Variants in PPP6R3 observed in about 807,000 individuals in gnomAD.
PPP6R3 encodes protein phosphatase 6 regulatory subunit 3, also known as serine/threonine-protein phosphatase 6 regulatory subunit 3.
PPP6R3 carries 38 observed loss-of-function variants against 110.7 expected under a neutral mutation model. The observed-to-expected ratio is 0.34, with a 90% confidence interval of 0.26 to 0.45. PPP6R3 has a LOEUF of 0.45. Among genes scored for constraint, PPP6R3 ranks in the 20% least tolerant of loss-of-function variants. The pLI is 1.00. For synonymous variants in PPP6R3, 369 were observed against 373.5 expected, an observed-to-expected ratio of 0.99 and a Z score of 0.14; for missense variants, 870 against 1,062.4, an observed-to-expected ratio of 0.82 and a Z score of 2.52.
chr11:68,562,395 T>G (rs2153736613), intron 8 of PPP6R3, among the ~76,000 whole-genome samples: 1 of 152,322 alleles, frequency 6.6e-6, no homozygotes, highest in East Asian at 1.9e-4. Context: ...TTCAATGCAA[T>G]TCCGAACAAA....
intron 8 of PPP6R3, 113 bp from the exon 9 acceptor site, chr11:68,564,190 T>G: frequency 8.7e-7 from 1 of 1,154,552 alleles, no homozygotes; most frequent in Non-Finnish European, 1.2e-6. Flanking sequence ...CTAGCCTTTT[T>G]TCCCGCAGCC....
chr11:68,536,447 T>C (rs757574678), intron 2 of PPP6R3, among the ~76,000 whole-genome samples: 14 of 151,998 alleles, frequency 9.2e-5, no homozygotes, highest in African/African-American at 1.4e-4. Flanking sequence ...TTTTGTCTTA[T>C]AGAGATGAGG....
rs760138573 is a variant in PPP6R3 at position 68,564,185 on chromosome 11, C to G, written c.846-118C>G. On this transcript the variant is annotated intron_variant, in intron 8 of 23. Coordinates refer to ENST00000393800, the MANE Select transcript of PPP6R3 (RefSeq NM_001164161.2). ...TGCCTCATTATGCTTTTTTCCTAGC[C>G]TTTTTTCCCGCAGCCAGAAAAGTTG... 8 of 1,111,244 alleles carry G rather than the reference C, an allele frequency of 7.2e-6. No homozygotes were observed. In the African/African-American group the frequency reaches 1.3e-4, roughly 18 times the overall value. The allele number at this position is 1,111,244 out of a possible 1,614,324, so 68.8% of individuals were successfully genotyped here.
rs1459802750 is a variant in PPP6R3, at chr11:68,537,911, T to G, written c.227+20T>G. On this transcript the variant is annotated intron_variant, in intron 3 of 23. Coordinates refer to ENST00000393800, the MANE Select transcript of PPP6R3 (RefSeq NM_001164161.2). ...ATACAAGTAAGACAATTCAATCTTC[T>G]CTGTAGAGTGGGACTAAAGTGAAGT... 6.4e-7 allele frequency: 1 copy of G among 1,558,614 alleles called. No homozygotes were observed. Among genetic ancestry groups the G allele is most frequent in the South Asian group, 1.1e-5 (1 of 88,772 alleles).
chr11:68,537,617 T>A (rs2099277581), intron 2 of PPP6R3, 42 bp from the exon 3 acceptor site: 1 of 1,300,094 alleles, frequency 7.7e-7, no homozygotes, highest in Non-Finnish European at 1.1e-6. Context: ...AATTAATTTG[T>A]AAAGTTGAAA....
intron 1 of PPP6R3, among the ~76,000 whole-genome samples, chr11:68,504,544 A>G (rs1238169509): frequency 2.6e-5 from 4 of 152,204 alleles, no homozygotes; most frequent in African/African-American, 7.2e-5. Context: ...GGATGAATGC[A>G]CACTTCAGTT....
Position 68,614,987 on chromosome 11 carries a change from C to A in PPP6R3, c.*1870C>A, listed in dbSNP as rs1267283642. 1 of 559,406 alleles carries A rather than the reference C, an allele frequency of 1.8e-6. No individual in the cohort carries two copies. Among genetic ancestry groups the A allele is most frequent in the East Asian group, 4.2e-5 (1 of 23,906 alleles). The allele number at this position is 559,406 out of a possible 1,614,324, so 34.7% of individuals were successfully genotyped here. On this transcript the variant is annotated 3_prime_UTR_variant, in exon 24 of 24. Transcript: ENST00000393800. ...GGTATGGACCTGGTGGCTTCTCCAT[C>A]CCACTGTGGCCTCTGTGGTATGGAC... is the stretch of plus-strand genomic sequence containing the variant.
intron 1 of PPP6R3, among the ~76,000 whole-genome samples, chr11:68,503,034 C>T (rs190364380): frequency 4.6e-5 from 7 of 152,298 alleles, no homozygotes; most frequent in Non-Finnish European, 5.9e-5. Flanking sequence ...ACCTCCGCCT[C>T]CCAGGTTGAA....
chr11:68,609,863 C>T (rs764965657), intron 22 of PPP6R3, 41 bp from the exon 23 acceptor site: 4 of 1,611,956 alleles, frequency 2.5e-6, no homozygotes, highest in South Asian at 1.1e-5. Flanking sequence ...AGGTGCTGGT[C>T]CCTAGGGTGT....
At chr11:68,522,279 A>G (rs1277643091) in intron 2 of PPP6R3, among the ~76,000 whole-genome samples, 1 of 152,234 alleles carries the variant, frequency 6.6e-6, no homozygotes. Context: ...CTCAGAAAAC[A>G]TGTCCACTGC....
intron 19 of PPP6R3, among the ~76,000 whole-genome samples, chr11:68,599,912 G>A (rs187184309): frequency 1.5e-4 from 23 of 152,160 alleles, no homozygotes; most frequent in South Asian, 4.2e-4. Flanking sequence ...TCACGAGGTC[G>A]GGATATTGAG....
At chr11:68,517,071 A>G (rs2099140739) in intron 1 of PPP6R3, among the ~76,000 whole-genome samples, 1 of 144,998 alleles carries the variant, frequency 6.9e-6, no homozygotes, top group South Asian at 2.2e-4. Flanking sequence ...TTTGAGAATT[A>G]TTTATCTGAT....
intron 2 of PPP6R3, among the ~76,000 whole-genome samples, chr11:68,523,546 A>T (rs1477456484): frequency 6.6e-6 from 1 of 151,766 alleles, no homozygotes; most frequent in Non-Finnish European, 1.5e-5. Context: ...CACCACTAGA[A>T]GGTTTAGATA....
intron 17 of PPP6R3, among the ~76,000 whole-genome samples, chr11:68,590,995 C>T (rs906026119): frequency 4.6e-5 from 7 of 152,146 alleles, no homozygotes; most frequent in Non-Finnish European, 1.0e-4. Flanking sequence ...GACACCAACC[C>T]ACTGCCTTTG....
intron 15 of PPP6R3, chr11:68,586,350 T>C (rs879815990): frequency 6.6e-6 from 1 of 152,224 alleles, no homozygotes; most frequent in Non-Finnish European, 1.5e-5. Context: ...TAATGCTGGC[T>C]GTCATTGTCC....
chr11:68,514,246 T>G lies in PPP6R3; in HGVS notation c.-157-5255T>G, dbSNP rs138518448. On this transcript the variant is annotated intron_variant, in intron 1 of 23. Transcript: ENST00000393800. ...AGTCCAGCTAATGAAAAAAACTTTT[T>G]TTTTTGTAGGGGTGGGATCTCACTG... Among the ~76,000 whole-genome samples, 487 of 152,266 alleles carry G rather than the reference T, an allele frequency of 3.2e-3. 2 individuals are homozygous for G. Among genetic ancestry groups the G allele is most frequent in the African/African-American group, 0.011 (466 of 41,558 alleles).
intron 7 of PPP6R3, among the ~76,000 whole-genome samples, chr11:68,555,319 A>G (rs1479910693): frequency 6.6e-6 from 1 of 152,198 alleles, no homozygotes; most frequent in African/African-American, 2.4e-5. Flanking sequence ...AACCTTGTAA[A>G]ATTGCCATTT....
At chr11:68,542,926 G>A (rs2099327584) in intron 3 of PPP6R3, among the ~76,000 whole-genome samples, 1 of 152,112 alleles carries the variant, frequency 6.6e-6, no homozygotes. Flanking sequence ...CCAGGAGTCC[G>A]CTTGCCTTTT....
In PPP6R3 at chr11:68,567,289, G is replaced by A. The variant is rs963543832; in HGVS notation, c.1128+123G>A. 1.0e-5 allele frequency: 11 copies of A among 1,075,578 alleles called. No homozygotes were observed. In the African/African-American group the frequency reaches 1.1e-4, roughly 11 times the overall value. The allele number at this position is 1,075,578 out of a possible 1,614,324, so 66.6% of individuals were successfully genotyped here. On this transcript the variant is annotated intron_variant, in intron 10 of 23. Coordinates refer to ENST00000393800, the MANE Select transcript of PPP6R3 (RefSeq NM_001164161.2). ...ACTTTTCTTGGTCTGAGCATAAATG[G>A]TGTTTTATGTAGTTTTTGCCTTGAG...
Sources: gnomAD v4.1 joint callset for allele counts (sites outside exome capture counted in the v4.1 genomes callset) on GRCh38, gnomAD v4.1.1 for gene constraint, MANE v1.5 for transcripts, NCBI Gene and HGNC (gene_info 2026-07-23, HGNC 2026-07-21) for gene names.